The following WDR36 variants were observed in gnomAD, a reference collection of about 807,000 sequenced individuals.
The protein encoded by WDR36 is WD repeat domain 36.
In WDR36, 63 loss-of-function variants were observed where a neutral mutation model predicts 112.7. The observed-to-expected ratio is 0.56, with a 90% CI of 0.46 to 0.69. The LOEUF (loss-of-function observed/expected upper bound fraction) is 0.69, where lower values mean the gene tolerates loss of function less well. Ranked by LOEUF, WDR36 falls within the 30% of genes least tolerant of loss-of-function variation. WDR36 has a pLI of 0.00. For missense variants in WDR36, 1,226 were observed against 1,070.3 expected, an observed-to-expected ratio of 1.15 and a Z score of -2.03; for synonymous variants, 410 against 362.2, an observed-to-expected ratio of 1.13 and a Z score of -1.50.
chr5:111,110,395 T>C, intron 13 of WDR36, 92 bp downstream of exon 13: 1 of 1,061,838 alleles, frequency 9.4e-7, no homozygotes, highest in East Asian at 2.5e-5. Context: ...GTGCTGGGCA[T>C]TTTGCTAAAG....
Position 111,111,085 on chromosome 5 carries a change from A to T in WDR36, c.1608-85A>T, listed in dbSNP as rs968286389. ...TTTGGCTTAATTTCCCCCAAAGTGT[A>T]CTTGATTTAACAAAATTCAAGTGGA... On this transcript the variant is annotated intron_variant, in intron 14 of 22. Coordinates refer to ENST00000513710, the MANE Select transcript of WDR36 (RefSeq NM_139281.3). 4.5e-6 allele frequency: 7 copies of T among 1,550,236 alleles called. No homozygotes were observed. The Admixed American group carries it at 8.4e-5, about 19-fold the overall frequency.
intron 16 of WDR36, among the ~76,000 whole-genome samples, chr5:111,117,542 A>C (rs1753478264): frequency 6.6e-6 from 1 of 152,126 alleles, no homozygotes; most frequent in Admixed American, 6.6e-5. Flanking sequence ...CTAACAATAT[A>C]AATTGGGTAG....
intron 17 of WDR36, 70 bp downstream of exon 17, chr5:111,119,190 A>G: frequency 1.6e-6 from 2 of 1,272,726 alleles, no homozygotes; most frequent in South Asian, 2.4e-5. Context: ...GAGTTGCTAA[A>G]ATTGTCATTT....
intron 16 of WDR36, among the ~76,000 whole-genome samples, chr5:111,116,786 C>T (rs1753465147): frequency 6.6e-6 from 1 of 152,176 alleles, no homozygotes; most frequent in Admixed American, 6.5e-5. Context: ...CCACACACCA[C>T]AGCTGTGGAA....
chr5:111,113,212 A>C, intron 16 of WDR36, 59 bp downstream of exon 16: 1 of 1,112,280 alleles, frequency 9.0e-7, no homozygotes, highest in Non-Finnish European at 1.4e-6. Flanking sequence ...TTTTTTTCAC[A>C]TGTGACTTTT....
intron 5 of WDR36, among the ~76,000 whole-genome samples, chr5:111,101,984 A>G (rs890135137): frequency 3.3e-5 from 5 of 151,814 alleles, no homozygotes; most frequent in Non-Finnish European, 7.4e-5. Flanking sequence ...CATGCAAATA[A>G]TATTTTTATT....
chr5:111,098,483 CT>C (rs2112565985), intron 3 of WDR36, among the ~76,000 whole-genome samples: 1 of 152,258 alleles, frequency 6.6e-6, no homozygotes, highest in African/African-American at 2.4e-5. Flanking sequence ...CCTCAGAGGT[CT>C]CATTTCTTTG....
intron 16 of WDR36, among the ~76,000 whole-genome samples, chr5:111,117,117 T>A (rs10059658): frequency 6.6e-6 from 1 of 151,932 alleles, no homozygotes; most frequent in South Asian, 2.1e-4. Context: ...TCCCCAATTC[T>A]CTTGATTCCC....
At chr5:111,106,764 C>A (rs899225999) in intron 11 of WDR36, among the ~76,000 whole-genome samples, 2 of 151,398 alleles carry the variant, frequency 1.3e-5, no homozygotes, top group African/African-American at 4.8e-5. Context: ...GGAATCTCAT[C>A]TCCTTAACAT....
At chr5:111,096,635 C>T (rs559877193) in intron 2 of WDR36, among the ~76,000 whole-genome samples, 64 of 151,662 alleles carry the variant, frequency 4.2e-4, no homozygotes, top group Non-Finnish European at 6.9e-4. Context: ...ACCTGGGAGG[C>T]GGATGTTGCA....
rs935273752 is a variant in WDR36 at position 111,094,338 on chromosome 5, G to C, written c.163-582G>C. On this transcript the variant is annotated intron_variant, in intron 1 of 22. Coordinates refer to ENST00000513710, the MANE Select transcript of WDR36 (RefSeq NM_139281.3). ...TTACAGATGAAGAATTTGAGGCACAGGGAGCTTATTTTTCCAGGGTCATAC... is the reference window on the plus strand; with the variant it reads ...TTACAGATGAAGAATTTGAGGCACACGGAGCTTATTTTTCCAGGGTCATAC... 8.5e-5 allele frequency among the ~76,000 whole-genome samples: 13 copies of C among 152,314 alleles called. No individual in the cohort carries two copies. In the South Asian group the frequency reaches 2.7e-3, roughly 32 times the overall value.
At chr5:111,123,274 A>G (rs1753605548) in intron 19 of WDR36, among the ~76,000 whole-genome samples, 1 of 152,240 alleles carries the variant, frequency 6.6e-6, no homozygotes, top group Admixed American at 6.5e-5. Context: ...AGCACAAGGT[A>G]CTAAAGAAAA....
At chr5:111,105,225 A>G in intron 9 of WDR36, 70 bp from the exon 10 acceptor site, 1 of 1,487,282 alleles carries the variant, frequency 6.7e-7, no homozygotes, top group East Asian at 2.3e-5. Context: ...TGAATTTTAT[A>G]AAATTTGTGA....
At chr5:111,098,627 G>A (rs1394776038) in intron 3 of WDR36, 95 bp from the exon 4 acceptor site, 7 of 851,318 alleles carry the variant, frequency 8.2e-6, no homozygotes, top group Non-Finnish European at 1.4e-5. Context: ...CTTAACAGAA[G>A]CATCTCAGGA....
At chr5:111,097,796 T>C (rs1204668600) in intron 3 of WDR36, among the ~76,000 whole-genome samples, 1 of 152,198 alleles carries the variant, frequency 6.6e-6, no homozygotes, top group Non-Finnish European at 1.5e-5. Context: ...GGTACAAAGA[T>C]AGCCAAATGA....
At position 111,126,862 on chromosome 5, in the gene WDR36, T is replaced by C. The variant is rs1753687455; in HGVS notation, c.2667T>C (p.Tyr889=). Residue 889 remains tyrosine (Y), a synonymous_variant, in exon 23 of 23, where the codon TAT becomes TAC. Coordinates refer to ENST00000513710, the MANE Select transcript of WDR36 (RefSeq NM_139281.3). ...LFNQSMCILN[Y]LKSALL ...ATCAAAGCATGTGTATTTTAAATTA[T>C]CTCAAAAGTGCTTTGTTGTAAAAAT... is the stretch of plus-strand genomic sequence containing the variant. 6.2e-7 allele frequency: 1 copy of C among 1,608,140 alleles called. No individual in the cohort carries two copies.
intron 7 of WDR36, 78 bp from the exon 8 acceptor site, chr5:111,104,099 A>G: frequency 6.9e-7 from 1 of 1,457,900 alleles, no homozygotes; most frequent in South Asian, 1.2e-5. Flanking sequence ...TATGGATTAA[A>G]AGGGAAGAGA....
rs150549945 is a variant in WDR36, at chr5:111,098,205, T to C, written c.292-517T>C. Among the ~76,000 whole-genome samples, 101 of 152,226 alleles carry C rather than the reference T, an allele frequency of 6.6e-4. 3 individuals carry two copies. The East Asian group carries it at 0.019, about 29-fold the overall frequency. On this transcript the variant is annotated intron_variant, in intron 3 of 22. Coordinates refer to ENST00000513710, the MANE Select transcript of WDR36 (RefSeq NM_139281.3). ...AGGAAACAGTGTTACTGGAATCTAG[T>C]GAGAACTGAAACCATGGAGAAGGGG...
At position 111,121,074 on chromosome 5, in the gene WDR36, A is replaced by C. The variant is rs1169885100; in HGVS notation, c.2081A>C (p.Gln694Pro). Reference protein sequence around the residue: ...EYDSPEQLNEQLVTLSLLPES... With the variant: ...EYDSPEQLNEPLVTLSLLPES... Reference sequence around the variant, plus strand: ...GATTCGCCAGAACAGTTGAATGAGCAATTGGTGACTCTTTCACTTCTTCCT... The same window carrying C: ...GATTCGCCAGAACAGTTGAATGAGCCATTGGTGACTCTTTCACTTCTTCCT... The change falls in exon 19 of 23, where the codon CAA becomes CCA. Residue 694 changes from glutamine (Q) to proline (P), a missense_variant. By Grantham distance (76) the Gln-to-Pro change is moderately conservative. Coordinates refer to ENST00000513710, the MANE Select transcript of WDR36 (RefSeq NM_139281.3). The C allele has an allele frequency of 1.2e-6, 2 of 1,613,492 alleles. No homozygotes were observed. Among genetic ancestry groups the C allele is most frequent in the South Asian group, 2.2e-5 (2 of 91,068 alleles).
Sources: gnomAD v4.1 joint callset for allele counts (sites outside exome capture counted in the v4.1 genomes callset) on GRCh38, gnomAD v4.1.1 for gene constraint, MANE v1.5 for transcripts, NCBI Gene and HGNC (gene_info 2026-07-23, HGNC 2026-07-21) for gene names.